The following FKBP9 variants were observed in gnomAD, a reference collection of about 807,000 sequenced individuals.
The protein encoded by FKBP9 is peptidyl-prolyl cis-trans isomerase FKBP9.
A neutral mutation model predicts 55.6 loss-of-function variants in FKBP9; 27 were observed. The ratio of observed to expected loss-of-function variants is 0.49; its 90% CI spans 0.36 to 0.67. The LOEUF (loss-of-function observed/expected upper bound fraction) is 0.67. FKBP9 is among the 30% of genes least tolerant of loss of function. The pLI is 0.00. For missense variants in FKBP9, 539 were observed against 742.8 expected (o/e 0.73, Z 3.19); for synonymous variants, 267 against 296.5 (o/e 0.90, Z 1.02).
At chr7:32,975,522 G>A in intron 3 of FKBP9, 151 bp downstream of exon 3, 3 of 627,272 alleles carry the variant, frequency 4.8e-6, no homozygotes, top group Non-Finnish European at 8.1e-6. Flanking sequence ...TAAGACTTTT[G>A]GTCAGTGTTG....
intron 1 of FKBP9, among the ~76,000 whole-genome samples, chr7:32,959,380 G>A (rs1783973422): frequency 6.6e-6 from 1 of 152,174 alleles, no homozygotes; most frequent in South Asian, 2.1e-4. Context: ...CTCCAACCTG[G>A]GTGACAGGGA....
intron 5 of FKBP9, among the ~76,000 whole-genome samples, chr7:32,984,388 C>T (rs770029726): frequency 1.3e-5 from 2 of 152,130 alleles, no homozygotes; most frequent in Non-Finnish European, 1.5e-5. Flanking sequence ...TGTGCACCAT[C>T]ACCTGTAGTG....
At chr7:33,001,187 C>G (rs1382398115) in intron 8 of FKBP9, among the ~76,000 whole-genome samples, 3 of 152,068 alleles carry the variant, frequency 2.0e-5, no homozygotes, top group Non-Finnish European at 4.4e-5. Flanking sequence ...TATTTTTTCC[C>G]CGTAAAAGAA....
At chr7:32,986,303 G>C (rs919419834) in intron 5 of FKBP9, among the ~76,000 whole-genome samples, 8 of 152,194 alleles carry the variant, frequency 5.3e-5, no homozygotes, top group African/African-American at 1.9e-4. Flanking sequence ...TCCCCGCTGT[G>C]GGTACCTGCC....
chr7:32,967,460 T>G (rs1290784217), intron 1 of FKBP9, among the ~76,000 whole-genome samples: 5 of 152,246 alleles, frequency 3.3e-5, no homozygotes, highest in Admixed American at 6.5e-5. Context: ...ATACCTCATA[T>G]AATTCGTGGA....
At chr7:32,973,972 G>A (rs555190736) in intron 1 of FKBP9, among the ~76,000 whole-genome samples, 1 of 151,736 alleles carries the variant, frequency 6.6e-6, no homozygotes, top group African/African-American at 2.4e-5. Context: ...GATTACAGGC[G>A]TGAGCCACTG....
chr7:32,968,830 G>A (rs992060485), intron 1 of FKBP9, among the ~76,000 whole-genome samples: 4 of 151,592 alleles, frequency 2.6e-5, no homozygotes, highest in Non-Finnish European at 5.9e-5. Flanking sequence ...GCTAATTTTT[G>A]TATTTTTAGT....
At chr7:32,994,330 C>A (rs1349921177) in intron 6 of FKBP9, among the ~76,000 whole-genome samples, 4 of 152,184 alleles carry the variant, frequency 2.6e-5, no homozygotes, top group Non-Finnish European at 5.9e-5. Flanking sequence ...TTTCCATATC[C>A]CTGGAATCCT....
chr7:33,001,036 C>T (rs1361302373), intron 8 of FKBP9, among the ~76,000 whole-genome samples: 1 of 152,064 alleles, frequency 6.6e-6, no homozygotes, highest in African/African-American at 2.4e-5. Context: ...TTAGGCCTCC[C>T]AAAGCACTGG....
intron 6 of FKBP9, among the ~76,000 whole-genome samples, chr7:32,991,203 C>T (rs1312812115): frequency 1.3e-5 from 2 of 151,846 alleles, no homozygotes. Flanking sequence ...ACTTTTTTTC[C>T]TCTTGGCTTT....
intron 1 of FKBP9, chr7:32,963,717 C>G: frequency 1.5e-6 from 2 of 1,344,310 alleles, no homozygotes; most frequent in South Asian, 1.9e-5. Context: ...CTTTCTGCCT[C>G]TCTCCAAGGG....
chr7:32,999,988 C>G (rs1784901726), intron 7 of FKBP9, 127 bp from the exon 8 acceptor site: 1 of 1,002,240 alleles, frequency 1.0e-6, no homozygotes, highest in South Asian at 1.6e-5. Flanking sequence ...GATGTTTCCT[C>G]ATGATTAGAT....
At chr7:32,979,241 C>G (rs1160173635) in intron 4 of FKBP9, among the ~76,000 whole-genome samples, 1 of 152,006 alleles carries the variant, frequency 6.6e-6, no homozygotes, top group East Asian at 1.9e-4. Flanking sequence ...TACACTCCAG[C>G]CTGGGCAACA....
chr7:32,976,138 T>A (rs776765141), intron 3 of FKBP9, among the ~76,000 whole-genome samples: 1 of 152,338 alleles, frequency 6.6e-6, no homozygotes, highest in Non-Finnish European at 1.5e-5. Context: ...CTGGCCTGTT[T>A]TTGTCTATCA....
rs988395541 is a variant in FKBP9 at position 32,957,967 on chromosome 7, C to T, written c.221+173C>T. 4.6e-5 allele frequency among the ~76,000 whole-genome samples: 7 copies of T among 152,260 alleles called. No homozygotes were observed. In the East Asian group the frequency reaches 1.3e-3, roughly 29 times the overall value. On this transcript the variant is annotated intron_variant, in intron 1 of 9. Coordinates refer to ENST00000242209, the MANE Select transcript of FKBP9 (RefSeq NM_007270.5). ...CAGACCCTCCGCCGCGGGTGAGCCT[C>T]CCGGCCCTCACGTGCCCTAGGCTGC... is the stretch of plus-strand genomic sequence containing the variant.
intron 4 of FKBP9, among the ~76,000 whole-genome samples, chr7:32,977,863 A>ATATATACACT (rs1169334149): frequency 2.4e-5 from 3 of 127,026 alleles, no homozygotes; most frequent in African/African-American, 5.7e-5. Context: ...ATATATATAT[A>ATATATACACT]CATGCCCATA....
chr7:32,993,812 C>CAAAAA (rs57803982), intron 6 of FKBP9, among the ~76,000 whole-genome samples: 1 of 148,716 alleles, frequency 6.7e-6, no homozygotes. Flanking sequence ...GACTCCATCT[C>CAAAAA]AAAAAAAAAA....
At chr7:32,958,642 C>G (rs369417415) in intron 1 of FKBP9, among the ~76,000 whole-genome samples, 3 of 151,898 alleles carry the variant, frequency 2.0e-5, no homozygotes, top group Non-Finnish European at 4.4e-5. Flanking sequence ...GCCTGGGAGA[C>G]AGAGAGAGAT....
chr7:32,973,836 G>A (rs1404096808), intron 1 of FKBP9, among the ~76,000 whole-genome samples: 1 of 51,752 alleles, frequency 1.9e-5, no homozygotes, highest in Non-Finnish European at 4.2e-5. Flanking sequence ...GATTACAGGC[G>A]CCTGCCACCA....
Sources: gnomAD v4.1 joint callset for allele counts (sites outside exome capture counted in the v4.1 genomes callset) on GRCh38, gnomAD v4.1.1 for gene constraint, MANE v1.5 for transcripts, NCBI Gene and HGNC (gene_info 2026-07-23, HGNC 2026-07-21) for gene names.